EBF3: variants seen among roughly 807,000 people sequenced by gnomAD.
EBF3 encodes transcription factor COE3.
In EBF3, 18 loss-of-function variants were observed where a neutral mutation model predicts 77.1. That is an observed-to-expected ratio of 0.23 (90% confidence interval 0.16 to 0.35). The LOEUF is 0.35. EBF3 is among the 10% of genes least tolerant of loss of function. EBF3 has a pLI of 1.00. For synonymous variants in EBF3, 350 were observed against 343.5 expected (o/e 1.02, Z -0.21); for missense variants, 558 against 860.0 (o/e 0.65, Z 4.39).
intron 3 of EBF3, 100 bp downstream of exon 3, chr10:129,962,842 C>T (rs1377958407): frequency 7.1e-7 from 1 of 1,398,722 alleles, no homozygotes; most frequent in Non-Finnish European, 1.0e-6. Flanking sequence ...TTCGTGTTTA[C>T]ATCCATGTCA....
At chr10:129,878,823 C>CCAAAA (rs1852985375) in intron 6 of EBF3, among the ~76,000 whole-genome samples, 1 of 58,758 alleles carries the variant, frequency 1.7e-5, no homozygotes, top group Non-Finnish European at 3.1e-5. Flanking sequence ...AAATCGGTCT[C>CCAAAA]AAAAAAAAAA....
At chr10:129,925,152 G>A (rs1856583010) in intron 6 of EBF3, among the ~76,000 whole-genome samples, 1 of 151,976 alleles carries the variant, frequency 6.6e-6, no homozygotes, top group Non-Finnish European at 1.5e-5. Context: ...GCCATTGAAA[G>A]TAATGGGCCA....
intron 7 of EBF3, among the ~76,000 whole-genome samples, chr10:129,876,243 G>A (rs917016004): frequency 6.6e-6 from 1 of 152,212 alleles, no homozygotes; most frequent in South Asian, 2.1e-4. Context: ...CACCTTCTGA[G>A]AGGCATGGGG....
In EBF3 at chr10:129,844,090, A is replaced by G. The variant is rs147474185; in HGVS notation, c.1129-888T>C. On this transcript the variant is annotated intron_variant, in intron 11 of 16. Transcript: ENST00000440978. ...CCTCCCCAGCATGGAAGACGGGCAG[A>G]GAGTTTCTTTCCAACTCCATTCAGC... Among the ~76,000 whole-genome samples, 1,124 of 152,332 alleles carry G rather than the reference A, an allele frequency of 7.4e-3. 11 individuals are homozygous for G. The highest frequency in any genetic ancestry group is 0.025 in the African/African-American group (1,048 of 41,570).
chr10:129,888,830 G>A (rs1394163300), intron 6 of EBF3, among the ~76,000 whole-genome samples: 2 of 152,182 alleles, frequency 1.3e-5, no homozygotes, highest in Non-Finnish European at 2.9e-5. Flanking sequence ...AAGTATGCAA[G>A]AGAAAATTGC....
chr10:129,933,534 T>C (rs749183328), intron 6 of EBF3, among the ~76,000 whole-genome samples: 27 of 152,214 alleles, frequency 1.8e-4, no homozygotes, highest in Admixed American at 5.9e-4. Flanking sequence ...AAAAAGGATC[T>C]TGAAGCCCTC....
chr10:129,905,115 C>G (rs1302323329), intron 6 of EBF3, among the ~76,000 whole-genome samples: 1 of 152,246 alleles, frequency 6.6e-6, no homozygotes, highest in East Asian at 1.9e-4. Context: ...CTCAGCTCTT[C>G]CCTGCCCTTG....
rs867241128 is a variant in EBF3 at position 129,946,400 on chromosome 10, G to A, written c.554+10858C>T. 2.0e-5 allele frequency among the ~76,000 whole-genome samples: 3 copies of A among 152,342 alleles called. No individual in the cohort carries two copies. The Middle Eastern group carries it at 0.01, about 518-fold the overall frequency. On this transcript the variant is annotated intron_variant, in intron 6 of 16. Transcript: ENST00000440978. ...GAATGGGGTCTGAGGAAACATGAGC[G>A]GCAGTTACTTGTCATGACAAATGTC...
intron 6 of EBF3, among the ~76,000 whole-genome samples, chr10:129,939,675 C>T (rs1313199012): frequency 1.3e-5 from 2 of 152,214 alleles, no homozygotes; most frequent in Non-Finnish European, 2.9e-5. Flanking sequence ...ATGCAGACTT[C>T]GTCAGACTGG....
intron 6 of EBF3, among the ~76,000 whole-genome samples, chr10:129,955,352 C>T (rs956717301): frequency 3.3e-5 from 5 of 152,076 alleles, no homozygotes; most frequent in African/African-American, 1.2e-4. Flanking sequence ...AGCATTTATG[C>T]CAGGCGTAAA....
Position 129,867,234 on chromosome 10 carries a change from G to C in EBF3, c.946C>G (p.Pro316Ala). The part of the protein sequence containing the change: ...ITPHAIRVQT[P>A]PRHIPGVVEV... ...ACGACGCCAGGAATGTGCCTCGGCG[G>C]GGTCTGGACTCGGATGGCATGGGGA... Residue 316 changes from proline to alanine, a missense_variant, in exon 10 of 17, where the codon CCG (proline) becomes GCG (alanine). Physicochemically the swap from Pro to Ala is conservative, Grantham distance 27. Coordinates refer to ENST00000440978, the MANE Select transcript of EBF3 (RefSeq NM_001375380.1). 1 of 1,614,124 alleles carries C rather than the reference G, an allele frequency of 6.2e-7. No homozygotes were observed. Among genetic ancestry groups the C allele is most frequent in the Non-Finnish European group, 8.5e-7 (1 of 1,180,028 alleles).
chr10:129,936,424 C>T (rs78830369), intron 6 of EBF3, among the ~76,000 whole-genome samples: 9,454 of 152,280 alleles, frequency 0.062, 923 homozygotes, highest in African/African-American at 0.21. Context: ...GCCCAGGCCC[C>T]GGCTTGCTGA....
intron 6 of EBF3, 147 bp from the exon 7 acceptor site, chr10:129,877,996 C>T: frequency 1.6e-6 from 1 of 645,000 alleles, no homozygotes; most frequent in Non-Finnish European, 2.6e-6. Context: ...TGAGAAGAGG[C>T]TCTGGGAGAG....
At chr10:129,954,782 A>C (rs925015913) in intron 6 of EBF3, among the ~76,000 whole-genome samples, 1 of 152,200 alleles carries the variant, frequency 6.6e-6, no homozygotes, top group Non-Finnish European at 1.5e-5. Flanking sequence ...TTTTAAGCCA[A>C]CTAACCAAAT....
intron 6 of EBF3, among the ~76,000 whole-genome samples, chr10:129,909,812 C>T (rs1360138046): frequency 6.6e-6 from 1 of 152,236 alleles, no homozygotes; most frequent in Non-Finnish European, 1.5e-5. Flanking sequence ...GGCTCACAGA[C>T]TCTAAGAGCC....
At chr10:129,857,978 G>A (rs2134022749) in intron 10 of EBF3, among the ~76,000 whole-genome samples, 1 of 152,358 alleles carries the variant, frequency 6.6e-6, no homozygotes, top group Non-Finnish European at 1.5e-5. Context: ...CCCGCCAGCT[G>A]GCATTTTGCA....
At position 129,836,530 on chromosome 10, in the gene EBF3, A is replaced by AAAAGT. The variant is rs1445020759; in HGVS notation, c.*1408_*1412dup. On this transcript the variant is annotated 3_prime_UTR_variant, in exon 17 of 17. Coordinates refer to ENST00000440978, the MANE Select transcript of EBF3 (RefSeq NM_001375380.1). ...TGACTATACAACAAACTTTTTTTTCAAAAGTATTTGTTCAGATAACTTAAA... is the reference window on the plus strand; with the variant it reads ...TGACTATACAACAAACTTTTTTTTCAAAAGTAAAGTATTTGTTCAGATAACTTAAA... 2.0e-5 allele frequency: 3 copies of AAAAGT among 152,546 alleles called. No homozygotes were observed. The highest frequency in any genetic ancestry group is 4.4e-5 in the Non-Finnish European group (3 of 68,012). The allele number at this position is 152,546 out of a possible 1,614,324, so 9.4% of individuals were successfully genotyped here. A position where few individuals can be genotyped will look rare whatever the true frequency, so the allele number is the denominator to read the frequency against.
At chr10:129,846,370 A>G (rs1029709809) in intron 11 of EBF3, among the ~76,000 whole-genome samples, 1 of 151,986 alleles carries the variant, frequency 6.6e-6, no homozygotes, top group Non-Finnish European at 1.5e-5. Flanking sequence ...AAATTGCTGC[A>G]AAAATCAATA....
rs376109305 is a variant in EBF3 at position 129,897,990 on chromosome 10, G to A, written c.555-20141C>T. Among the ~76,000 whole-genome samples the A allele has an allele frequency of 2.0e-5, 3 of 152,162 alleles. No individual in the cohort carries two copies. Among genetic ancestry groups the A allele is most frequent in the South Asian group, 4.1e-4 (2 of 4,820 alleles). On this transcript the variant is annotated intron_variant, in intron 6 of 16. Transcript: ENST00000440978. This position sits in a 1 kb window ranked among gnomAD's most constrained non-coding sequence, Gnocchi z 4.6. ...AACAGAAGAGAGCCCGAGCTGACCC[G>A]TTGCTGTATTAAATTTTCATATGAA...
Sources: allele counts gnomAD v4.1 joint callset (sites outside exome capture counted in the v4.1 genomes callset), GRCh38; gene constraint gnomAD v4.1.1; non-coding constraint Gnocchi (gnomAD v3.1); transcripts MANE v1.5; gene names NCBI Gene and HGNC (gene_info 2026-07-23, HGNC 2026-07-21).